The following PIGL variants were observed in gnomAD, a reference collection of about 807,000 sequenced individuals.
PIGL encodes the protein N-acetylglucosaminyl-phosphatidylinositol de-N-acetylase.
In PIGL, 22 loss-of-function variants were observed where a neutral mutation model predicts 31.1. The ratio of observed to expected loss-of-function variants is 0.71; its 90% CI spans 0.51 to 1.01. The LOEUF (loss-of-function observed/expected upper bound fraction) is 1.01. Among genes scored for constraint, PIGL ranks in the 50% least tolerant of loss-of-function variants. PIGL has a pLI of 0.00. For synonymous variants in PIGL, 131 were observed against 117.4 expected (o/e 1.12, Z -0.75); for missense variants, 302 against 315.9 (o/e 0.96, Z 0.33).
At position 16,222,305 on chromosome 17, in the gene PIGL, G is replaced by GAT. The variant is rs767396442; in HGVS notation, c.235+4854_235+4855dup. On this transcript the variant is annotated intron_variant, in intron 1 of 6. Coordinates refer to ENST00000225609, the MANE Select transcript of PIGL (RefSeq NM_004278.4). ...GAGCTGGACTTTAAAAATAGGAGTA[G>GAT]ATATATATATAGGAAGCAAGCAGTA... is the stretch of plus-strand genomic sequence containing the variant. Among the ~76,000 whole-genome samples the GAT allele has an allele frequency of 6.6e-5, 10 of 151,628 alleles. No individual in the cohort carries two copies. The East Asian group carries it at 7.8e-4, about 12-fold the overall frequency.
chr17:16,257,290 G>A (rs778422314), intron 2 of PIGL, among the ~76,000 whole-genome samples: 9 of 152,142 alleles, frequency 5.9e-5, no homozygotes, highest in East Asian at 1.9e-4. Context: ...GGCGGCGGGC[G>A]CCTGTAATCC....
chr17:16,254,967 C>G (rs999642525), intron 2 of PIGL, among the ~76,000 whole-genome samples: 1 of 152,168 alleles, frequency 6.6e-6, no homozygotes, highest in African/African-American at 2.4e-5. Context: ...AATACTTGCT[C>G]AATTATGTTT....
chr17:16,278,819 A>G (rs1197707809), intron 2 of PIGL, among the ~76,000 whole-genome samples: 3 of 152,226 alleles, frequency 2.0e-5, no homozygotes, highest in African/African-American at 7.2e-5. Flanking sequence ...CATGAACTAA[A>G]AGGCATTTAT....
chr17:16,271,973 C>A (rs558282105), intron 2 of PIGL, among the ~76,000 whole-genome samples: 2 of 152,232 alleles, frequency 1.3e-5, no homozygotes, highest in South Asian at 2.1e-4. Flanking sequence ...AATCTTCCCA[C>A]CTTGGCCCCC....
At chr17:16,233,930 TAAA>T (rs371823707) in intron 1 of PIGL, 38 bp from the exon 2 acceptor site, 7 of 991,668 alleles carry the variant, frequency 7.1e-6, no homozygotes, top group East Asian at 2.9e-5. Flanking sequence ...TCTCCACTGT[TAAA>T]AAAAAAAAAT....
At chr17:16,297,091 G>A (rs58020313) in intron 2 of PIGL, among the ~76,000 whole-genome samples, 1 of 152,210 alleles carries the variant, frequency 6.6e-6, no homozygotes, top group African/African-American at 2.4e-5. Context: ...GAAAGGAAGT[G>A]AATCAAAATA....
chr17:16,290,937 C>T (rs2092957768), intron 2 of PIGL, among the ~76,000 whole-genome samples: 1 of 152,172 alleles, frequency 6.6e-6, no homozygotes, highest in African/African-American at 2.4e-5. Context: ...ACTTTGGCCT[C>T]CCAGAGTGCT....
chr17:16,274,831 A>G (rs1304658917), intron 2 of PIGL, among the ~76,000 whole-genome samples: 3 of 152,042 alleles, frequency 2.0e-5, no homozygotes, highest in African/African-American at 7.2e-5. Context: ...CAGGAGTTTG[A>G]GACCAGCCTG....
At chr17:16,315,858 C>T (rs983138380) in intron 4 of PIGL, among the ~76,000 whole-genome samples, 19 of 151,522 alleles carry the variant, frequency 1.3e-4, no homozygotes, top group African/African-American at 3.6e-4. Context: ...CCACCACGCC[C>T]GGTTAATTTT....
intron 1 of PIGL, among the ~76,000 whole-genome samples, chr17:16,225,984 G>A (rs1008474212): frequency 4.6e-5 from 7 of 151,182 alleles, no homozygotes; most frequent in Admixed American, 2.0e-4. Flanking sequence ...GTTCAGCCTG[G>A]GCAACATAGC....
chr17:16,313,510 A>C, intron 3 of PIGL, 37 bp from the exon 4 acceptor site: 1 of 1,486,368 alleles, frequency 6.7e-7, no homozygotes, highest in Non-Finnish European at 9.4e-7. Flanking sequence ...GAGGTGGTGG[A>C]GAAGGCATTC....
At chr17:16,312,408 C>A in intron 3 of PIGL, 1 of 162,160 alleles carries the variant, frequency 6.2e-6, no homozygotes, top group Non-Finnish European at 1.3e-5. Flanking sequence ...GGGATGGCGG[C>A]CGGGAAGAGG....
At chr17:16,233,439 T>C (rs1262969355) in intron 1 of PIGL, among the ~76,000 whole-genome samples, 1 of 152,172 alleles carries the variant, frequency 6.6e-6, no homozygotes, top group South Asian at 2.1e-4. Flanking sequence ...GATAGCTGGC[T>C]ATGAAACTCT....
intron 6 of PIGL, among the ~76,000 whole-genome samples, chr17:16,320,935 A>ATTTT (rs34777606): frequency 5.6e-5 from 5 of 89,980 alleles, no homozygotes; most frequent in Admixed American, 1.4e-4. Flanking sequence ...GTGCCTGGCC[A>ATTTT]TTTTTTTTTT....
At chr17:16,258,663 C>T (rs2092807447) in intron 2 of PIGL, among the ~76,000 whole-genome samples, 2 of 151,702 alleles carry the variant, frequency 1.3e-5, no homozygotes, top group African/African-American at 4.8e-5. Context: ...ACCACCATGC[C>T]CAGCTAATTT....
intron 6 of PIGL, among the ~76,000 whole-genome samples, chr17:16,325,081 C>T (rs927787122): frequency 3.3e-5 from 5 of 151,958 alleles, no homozygotes; most frequent in Non-Finnish European, 7.4e-5. Flanking sequence ...CGCGGTGGCT[C>T]ACGCCTGTAA....
chr17:16,272,988 T>C (rs1215196265), intron 2 of PIGL, among the ~76,000 whole-genome samples: 1 of 152,348 alleles, frequency 6.6e-6, no homozygotes, highest in Admixed American at 6.5e-5. Flanking sequence ...TGAGAGGACA[T>C]GGGAGGAACA....
At chr17:16,325,293 C>A (rs1293675985) in intron 6 of PIGL, among the ~76,000 whole-genome samples, 1 of 135,764 alleles carries the variant, frequency 7.4e-6, no homozygotes, top group African/African-American at 2.8e-5. Flanking sequence ...TGCAGTGAGC[C>A]AAGATCGCGC....
chr17:16,228,528 A>G (rs1411115368), intron 1 of PIGL, among the ~76,000 whole-genome samples: 3 of 151,982 alleles, frequency 2.0e-5, no homozygotes, highest in Non-Finnish European at 4.4e-5. Context: ...AGCTGGGACT[A>G]CAGGCTCCCG....
Sources: allele counts gnomAD v4.1 joint callset (sites outside exome capture counted in the v4.1 genomes callset), GRCh38; gene constraint gnomAD v4.1.1; transcripts MANE v1.5; gene names NCBI Gene and HGNC (gene_info 2026-07-23, HGNC 2026-07-21).